The following THSD4 variants were observed in gnomAD, a reference collection of about 807,000 sequenced individuals.
THSD4 encodes the protein thrombospondin type 1 domain containing 4.
A neutral mutation model predicts 119.0 loss-of-function variants in THSD4; 69 were observed. The observed-to-expected ratio is 0.58, with a 90% confidence interval of 0.48 to 0.71. The LOEUF is 0.71. Ranked by LOEUF, THSD4 falls within the 30% of genes least tolerant of loss-of-function variation. The probability of loss-of-function intolerance (pLI) is 0.00; values close to 1 mark genes in which losing one functional copy is unlikely to be tolerated. For missense variants in THSD4, 1,393 were observed against 1,391.1 expected, an observed-to-expected ratio of 1.00 and a Z score of -0.02; for synonymous variants, 524 against 540.4, an observed-to-expected ratio of 0.97 and a Z score of 0.42.
At chr15:71,768,561 T>A (rs2053755690) in intron 16 of THSD4, among the ~76,000 whole-genome samples, 1 of 30,608 alleles carries the variant, frequency 3.3e-5, no homozygotes, top group African/African-American at 6.1e-5. Flanking sequence ...CAGATCCTGA[T>A]TTTTTTTTTT....
At chr15:71,663,247 A>G (rs2051347842) in intron 8 of THSD4, among the ~76,000 whole-genome samples, 1 of 148,914 alleles carries the variant, frequency 6.7e-6, no homozygotes. Flanking sequence ...GCAAGACACT[A>G]TATCAAAAAA....
intron 7 of THSD4, among the ~76,000 whole-genome samples, chr15:71,650,725 T>A (rs1056307629): frequency 5.9e-5 from 9 of 152,168 alleles, no homozygotes. Flanking sequence ...ACTTCCTGTT[T>A]ACAGGAGACT....
chr15:71,412,577 C>G (rs941705995), intron 7 of THSD4, among the ~76,000 whole-genome samples: 11 of 152,176 alleles, frequency 7.2e-5, no homozygotes, highest in African/African-American at 1.2e-4. Flanking sequence ...CGAAGAGTCT[C>G]TCTTAATTAG....
chr15:71,674,986 A>G (rs1321693097), intron 8 of THSD4, among the ~76,000 whole-genome samples: 2 of 152,248 alleles, frequency 1.3e-5, no homozygotes, highest in Non-Finnish European at 2.9e-5. Context: ...AAATAACAAT[A>G]AATATCTAAG....
chr15:71,246,961 G>A (rs898180248), intron 5 of THSD4, among the ~76,000 whole-genome samples: 2 of 142,734 alleles, frequency 1.4e-5, no homozygotes, highest in African/African-American at 5.3e-5. Context: ...ACGATCTCAG[G>A]TCACTACAAC....
intron 6 of THSD4, among the ~76,000 whole-genome samples, chr15:71,278,686 TG>T (rs2044618728): frequency 6.6e-6 from 1 of 152,172 alleles, no homozygotes; most frequent in Admixed American, 6.5e-5. Context: ...TTTGTTCGAT[TG>T]TGCCAGTCTG....
At chr15:71,673,442 C>T (rs988881030) in intron 8 of THSD4, among the ~76,000 whole-genome samples, 1 of 152,144 alleles carries the variant, frequency 6.6e-6, no homozygotes, top group South Asian at 2.1e-4. Flanking sequence ...AAAACCAGCT[C>T]CTGGATTCAT....
intron 8 of THSD4, among the ~76,000 whole-genome samples, chr15:71,721,130 GC>G (rs769431826): frequency 1.3e-4 from 20 of 152,160 alleles, no homozygotes; most frequent in Non-Finnish European, 2.6e-4. Flanking sequence ...ACTTTGGGAG[GC>G]CGAGGCAGGC....
intron 7 of THSD4, among the ~76,000 whole-genome samples, chr15:71,565,650 C>CTGAT (rs1409929200): frequency 6.6e-6 from 1 of 152,150 alleles, no homozygotes; most frequent in Non-Finnish European, 1.5e-5. Context: ...CCTTATCCCT[C>CTGAT]TGATTTCTGC....
chr15:71,621,207 G>C (rs559022025), intron 7 of THSD4, among the ~76,000 whole-genome samples: 1 of 152,178 alleles, frequency 6.6e-6, no homozygotes, highest in Non-Finnish European at 1.5e-5. Flanking sequence ...ATAATTAAAT[G>C]TGTGAGAGGT....
intron 7 of THSD4, among the ~76,000 whole-genome samples, chr15:71,534,532 G>A (rs2048662918): frequency 6.6e-6 from 1 of 152,092 alleles, no homozygotes; most frequent in South Asian, 2.1e-4. Flanking sequence ...TTCCAAATGA[G>A]AATAATTTTT....
chr15:71,192,544 T>A (rs537253255), intron 3 of THSD4, among the ~76,000 whole-genome samples: 3 of 152,138 alleles, frequency 2.0e-5, no homozygotes, highest in Non-Finnish European at 4.4e-5. Context: ...CCTCCCAACG[T>A]GTTGGGATTA....
In THSD4 at chr15:71,243,078, C is replaced by T. The variant is rs575644650; in HGVS notation, c.894C>T (p.Tyr298=). Reference sequence around the variant, plus strand: ...CATGCATCGGGGCCTATCGGCAGTACAAGCTGTGCAACACCAACGTGAGTA... The same window carrying T: ...CATGCATCGGGGCCTATCGGCAGTATAAGCTGTGCAACACCAACGTGAGTA... ...AISCIGAYRQ[Y]KLCNTNVCPE... is the part of the protein sequence containing the mutation. Residue 298 remains tyrosine (Y), a synonymous_variant, in exon 5 of 18, where the codon TAC becomes TAT. Coordinates refer to ENST00000261862, the MANE Select transcript of THSD4 (RefSeq NM_024817.3). The T allele has an allele frequency of 1.4e-5, 23 of 1,613,380 alleles. No homozygotes were observed. The East Asian group carries it at 4.5e-4, about 31-fold the overall frequency.
chr15:71,447,183 C>T (rs759476388), intron 7 of THSD4, among the ~76,000 whole-genome samples: 2 of 125,658 alleles, frequency 1.6e-5, no homozygotes, highest in African/African-American at 3.1e-5. Context: ...TGCAGTGATG[C>T]GATCACGGCT....
chr15:71,720,396 A>G (rs2052699943), intron 8 of THSD4, among the ~76,000 whole-genome samples: 1 of 152,186 alleles, frequency 6.6e-6, no homozygotes, highest in African/African-American at 2.4e-5. Context: ...AGAAGATCTA[A>G]TAATTATCAT....
intron 8 of THSD4, among the ~76,000 whole-genome samples, chr15:71,721,265 T>C (rs1004819147): frequency 2.0e-5 from 3 of 152,072 alleles, no homozygotes; most frequent in Non-Finnish European, 2.9e-5. Context: ...TCCCAGCACT[T>C]TGGGAGGCCG....
At chr15:71,548,019 C>T (rs2048866240) in intron 7 of THSD4, among the ~76,000 whole-genome samples, 1 of 151,504 alleles carries the variant, frequency 6.6e-6, no homozygotes, top group Admixed American at 6.6e-5. Flanking sequence ...CCCAGATGTA[C>T]CTTAGCAGGG....
chr15:71,272,502 A>G (rs895426508), intron 6 of THSD4, among the ~76,000 whole-genome samples: 1 of 151,834 alleles, frequency 6.6e-6, no homozygotes, highest in African/African-American at 2.4e-5. Context: ...CAACAGGTAT[A>G]TGTTAAAATG....
chr15:71,290,753 C>T (rs2044779709), intron 6 of THSD4, among the ~76,000 whole-genome samples: 1 of 152,100 alleles, frequency 6.6e-6, no homozygotes, highest in Non-Finnish European at 1.5e-5. Context: ...AAATAAGTAA[C>T]CTTGTCATCA....
Sources: gnomAD v4.1 joint callset for allele counts (sites outside exome capture counted in the v4.1 genomes callset) on GRCh38, gnomAD v4.1.1 for gene constraint, MANE v1.5 for transcripts, NCBI Gene and HGNC (gene_info 2026-07-23, HGNC 2026-07-21) for gene names.